CDC25C: variants seen among roughly 807,000 people sequenced by gnomAD.
CDC25C encodes cell division cycle 25C, also known as M-phase inducer phosphatase 3.
CDC25C carries 48 observed loss-of-function variants against 52.5 expected under a neutral mutation model. The ratio of observed to expected loss-of-function variants is 0.91; its 90% CI spans 0.72 to 1.16. The LOEUF (loss-of-function observed/expected upper bound fraction) is 1.16, where lower values mean the gene tolerates loss of function less well. Among genes scored for constraint, CDC25C ranks in the 50% most tolerant of loss-of-function variants. CDC25C has a pLI of 0.00. For missense variants in CDC25C, 510 were observed against 566.1 expected (o/e 0.90, Z 1.01); for synonymous variants, 187 against 206.5 (o/e 0.91, Z 0.81).
intron 7 of CDC25C, among the ~76,000 whole-genome samples, chr5:138,297,491 T>C (rs1420510904): frequency 1.2e-4 from 18 of 152,206 alleles, no homozygotes; most frequent in Admixed American, 4.6e-4. Context: ...CTCTAATAGA[T>C]GCTGGATTCA....
rs778740149 is a variant in CDC25C at position 138,287,173 on chromosome 5, A to G, written c.1022T>C (p.Ile341Thr). ...ATGGCCACAATGTCGTCTCACCTGG[A>G]TGTGTCCTCCCAGATACTCATATGG... is the stretch of plus-strand genomic sequence containing the variant. ...RYPYEYLGGH[I>T]QGALNLYSQE... The change falls in exon 11 of 14, where the codon ATC (isoleucine) becomes ACC (threonine). Residue 341 changes from isoleucine to threonine, a missense_variant. Transcript: ENST00000323760. 22 of 1,609,840 alleles carry G rather than the reference A, an allele frequency of 1.4e-5. No homozygotes were observed. The highest frequency in any genetic ancestry group is 1.7e-5 in the Non-Finnish European group (20 of 1,176,290).
At chr5:138,303,745 T>C (rs1331013163) in intron 7 of CDC25C, among the ~76,000 whole-genome samples, 1 of 152,220 alleles carries the variant, frequency 6.6e-6, no homozygotes, top group Admixed American at 6.6e-5. Context: ...ATAATCTCCC[T>C]TTGCTTTTTC....
intron 5 of CDC25C, 34 bp from the exon 6 acceptor site, chr5:138,325,938 T>C: frequency 1.9e-6 from 3 of 1,610,324 alleles, no homozygotes; most frequent in Non-Finnish European, 2.5e-6. Context: ...ACGTCCAGCA[T>C]CCTCAAGCCA....
At chr5:138,307,492 A>C in intron 7 of CDC25C, among the ~76,000 whole-genome samples, 1 of 10,466 alleles carries the variant, frequency 9.6e-5, no homozygotes, top group African/African-American at 3.3e-4. Flanking sequence ...GACTGCCACA[A>C]AAAAAAAAAA....
chr5:138,320,275 A>G (rs1047822543), intron 6 of CDC25C, among the ~76,000 whole-genome samples: 1 of 152,126 alleles, frequency 6.6e-6, no homozygotes, highest in Non-Finnish European at 1.5e-5. Context: ...ACTGCACTCC[A>G]GCCTGGGTGA....
At chr5:138,288,052 C>A (rs764208143) in intron 10 of CDC25C, among the ~76,000 whole-genome samples, 3 of 151,996 alleles carry the variant, frequency 2.0e-5, no homozygotes, top group Non-Finnish European at 4.4e-5. Flanking sequence ...AAGCAAATTG[C>A]AATACTATAC....
rs187425038 is a variant in CDC25C, at chr5:138,292,135, C to A, written c.616-19G>T. Reference sequence around the variant, plus strand: ...TGCTCACCTGTTTGGGAATATTAAACCCCCTAGTTCTTACTCCTCCAAGTG... The same window carrying A: ...TGCTCACCTGTTTGGGAATATTAAAACCCCTAGTTCTTACTCCTCCAAGTG... On this transcript the variant is annotated intron_variant, in intron 7 of 13. Coordinates refer to ENST00000323760, the MANE Select transcript of CDC25C (RefSeq NM_001790.5). 9 of 1,602,638 alleles carry A rather than the reference C, an allele frequency of 5.6e-6. No individual in the cohort carries two copies. In the African/African-American group the frequency reaches 8.0e-5, roughly 14 times the overall value.
intron 7 of CDC25C, among the ~76,000 whole-genome samples, chr5:138,313,705 T>TA (rs1305280039): frequency 5.3e-5 from 8 of 152,090 alleles, no homozygotes; most frequent in South Asian, 2.1e-4. Context: ...ACTTTAAACT[T>TA]AGAGTCATTA....
intron 7 of CDC25C, among the ~76,000 whole-genome samples, chr5:138,294,641 A>G (rs1208268903): frequency 6.6e-6 from 1 of 150,806 alleles, no homozygotes; most frequent in African/African-American, 2.5e-5. Flanking sequence ...AGTAGCTGGG[A>G]CTACAGGCGC....
chr5:138,338,099 A>G lies in CDC25C; in HGVS notation c.-131T>C, dbSNP rs762452115. 8 of 1,289,764 alleles carry G rather than the reference A, an allele frequency of 6.2e-6. No homozygotes were observed. The South Asian group carries it at 9.9e-5, about 16-fold the overall frequency. 79.9% of individuals were successfully genotyped at this position (1,289,764 alleles called of 1,614,324 possible). On this transcript the variant is annotated 5_prime_UTR_variant, in exon 1 of 6. Transcript: ENST00000510119. ...AATCAAAGCGCCAGGCTCGTTCCCA[A>G]CAGCGCTGTCCGAGAGACACTTTGA...
chr5:138,292,332 C>T (rs1046081879), intron 7 of CDC25C, among the ~76,000 whole-genome samples: 1 of 151,918 alleles, frequency 6.6e-6, no homozygotes, highest in Admixed American at 6.6e-5. Flanking sequence ...TTCATAGGCC[C>T]GTTAATATCT....
In CDC25C at chr5:138,316,549, C is replaced by T. The variant is rs151007896; in HGVS notation, c.615+2670G>A. ...CGGGGAGGGCTTAAAGGCTGGGGAC[C>T]GGGCTGCTAGTCCCACCCACTGGAT... On this transcript the variant is annotated intron_variant, in intron 7 of 13. Transcript: ENST00000323760. Among the ~76,000 whole-genome samples the T allele has an allele frequency of 1.4e-4, 21 of 152,178 alleles. No individual in the cohort carries two copies. The East Asian group carries it at 1.9e-3, about 14-fold the overall frequency.
chr5:138,327,920 G>A (rs1760027364), intron 4 of CDC25C, among the ~76,000 whole-genome samples: 1 of 151,960 alleles, frequency 6.6e-6, no homozygotes, highest in Non-Finnish European at 1.5e-5. Flanking sequence ...AGGCTGGAGG[G>A]CAGTGGCGCA....
intron 7 of CDC25C, among the ~76,000 whole-genome samples, chr5:138,299,149 C>T (rs1270156499): frequency 1.4e-5 from 2 of 139,748 alleles, no homozygotes; most frequent in African/African-American, 5.3e-5. Context: ...GCCAAGATCG[C>T]ACCACTGCAC....
At chr5:138,290,802 G>T in intron 8 of CDC25C, 62 bp from the exon 9 acceptor site, 1 of 991,672 alleles carries the variant, frequency 1.0e-6, no homozygotes, top group South Asian at 1.3e-5. Context: ...AAAAACCAGT[G>T]GATGGAGTGG....
chr5:138,296,427 T>C (rs1757187270), intron 7 of CDC25C, among the ~76,000 whole-genome samples: 2 of 151,484 alleles, frequency 1.3e-5, no homozygotes, highest in South Asian at 4.2e-4. Flanking sequence ...TTTTATTTTT[T>C]TGAGACAGAG....
intron 7 of CDC25C, among the ~76,000 whole-genome samples, chr5:138,300,744 T>C (rs1757570914): frequency 1.3e-5 from 2 of 152,200 alleles, no homozygotes; most frequent in Admixed American, 1.3e-4. Flanking sequence ...CTCTGGACCA[T>C]AAAAACCAAT....
chr5:138,322,765 G>C (rs1225296200), intron 6 of CDC25C, among the ~76,000 whole-genome samples: 2 of 150,846 alleles, frequency 1.3e-5, no homozygotes, highest in Non-Finnish European at 3.0e-5. Context: ...GTGAGCCACC[G>C]CGCCCGGCCC....
rs1409575048 is a variant in CDC25C at position 138,319,193 on chromosome 5, A to G, written c.615+26T>C. On this transcript the variant is annotated intron_variant, in intron 7 of 13. Transcript: ENST00000323760. ...CAGAATGAAGGAATATGAAGAATAC[A>G]AAGATACTACCACAGAACACTTTAC... 7 of 1,586,060 alleles carry G rather than the reference A, an allele frequency of 4.4e-6. No individual in the cohort carries two copies. In the Admixed American group the frequency reaches 1.2e-4, roughly 28 times the overall value.
Sources: allele counts gnomAD v4.1 joint callset (sites outside exome capture counted in the v4.1 genomes callset), GRCh38; gene constraint gnomAD v4.1.1; transcripts MANE v1.5; gene names NCBI Gene and HGNC (gene_info 2026-07-23, HGNC 2026-07-21).